Variants in DGKB observed in about 807,000 individuals in gnomAD.
DGKB encodes diacylglycerol kinase beta, also known as 90 kDa diacylglycerol kinase.
DGKB carries 67 observed loss-of-function variants against 114.3 expected under a neutral mutation model. That is an observed-to-expected ratio of 0.59 (90% CI 0.48 to 0.72). The LOEUF (loss-of-function observed/expected upper bound fraction) is 0.72. Among genes scored for constraint, DGKB ranks in the 30% least tolerant of loss-of-function variants. The pLI is 0.00. For missense variants in DGKB, 907 were observed against 975.2 expected (o/e 0.93, Z 0.93); for synonymous variants, 398 against 323.1 (o/e 1.23, Z -2.49).
At chr7:14,285,658 A>C (rs574047279) in intron 23 of DGKB, among the ~76,000 whole-genome samples, 6 of 152,298 alleles carry the variant, frequency 3.9e-5, no homozygotes, top group African/African-American at 1.4e-4. Context: ...GGACACTAAT[A>C]TGTGCCAAAG....
intron 2 of DGKB, among the ~76,000 whole-genome samples, chr7:14,816,836 T>C (rs566432537): frequency 1.3e-5 from 2 of 152,150 alleles, no homozygotes; most frequent in Non-Finnish European, 2.9e-5. Flanking sequence ...AACATTGACT[T>C]TCTCCAGGTA....
intron 1 of DGKB, among the ~76,000 whole-genome samples, chr7:14,894,312 AT>A (rs1781764813): frequency 6.6e-6 from 1 of 151,350 alleles, no homozygotes; most frequent in Admixed American, 6.6e-5. Flanking sequence ...CATAGTTTGA[AT>A]TTTAACTCAT....
chr7:14,778,642 T>C (rs1026383435), intron 2 of DGKB, among the ~76,000 whole-genome samples: 2 of 152,164 alleles, frequency 1.3e-5, no homozygotes, highest in South Asian at 4.1e-4. Flanking sequence ...TCATGCAAAG[T>C]TTACTAACAG....
chr7:14,348,512 G>C (rs1157482032), intron 21 of DGKB, among the ~76,000 whole-genome samples: 2 of 151,642 alleles, frequency 1.3e-5, no homozygotes, highest in African/African-American at 4.8e-5. Flanking sequence ...AAAATGTAAA[G>C]ATGCTCAACG....
intron 23 of DGKB, among the ~76,000 whole-genome samples, chr7:14,274,578 TA>T (rs1186138699): frequency 6.6e-6 from 1 of 152,156 alleles, no homozygotes; most frequent in Non-Finnish European, 1.5e-5. Flanking sequence ...GTGCTGCTAT[TA>T]AAAAATGTCA....
chr7:14,763,159 T>C (rs909802056), intron 2 of DGKB, among the ~76,000 whole-genome samples: 1 of 151,044 alleles, frequency 6.6e-6, no homozygotes, highest in Non-Finnish European at 1.5e-5. Flanking sequence ...TTGCTGATGA[T>C]TTTTTTTTCC....
At chr7:14,360,370 A>T (rs990862236) in intron 21 of DGKB, among the ~76,000 whole-genome samples, 5 of 151,952 alleles carry the variant, frequency 3.3e-5, no homozygotes, top group African/African-American at 1.2e-4. Flanking sequence ...GTAAGTGACG[A>T]GTTAATGGGT....
At chr7:14,523,053 C>G (rs1380265837) in intron 20 of DGKB, among the ~76,000 whole-genome samples, 1 of 152,086 alleles carries the variant, frequency 6.6e-6, no homozygotes, top group Non-Finnish European at 1.5e-5. Flanking sequence ...AAGTATACTT[C>G]ACAGTTCATA....
At chr7:14,323,688 G>A (rs895998039) in intron 23 of DGKB, among the ~76,000 whole-genome samples, 1 of 152,212 alleles carries the variant, frequency 6.6e-6, no homozygotes, top group Non-Finnish European at 1.5e-5. Flanking sequence ...CATGCTTGAT[G>A]TGTTTGATGA....
At chr7:14,416,000 T>C (rs1675518317) in intron 21 of DGKB, among the ~76,000 whole-genome samples, 1 of 152,192 alleles carries the variant, frequency 6.6e-6, no homozygotes, top group Non-Finnish European at 1.5e-5. Context: ...GTGGTTTTGA[T>C]TTGCATTTCT....
At chr7:14,236,700 C>T (rs1347111882) in intron 23 of DGKB, among the ~76,000 whole-genome samples, 7 of 151,890 alleles carry the variant, frequency 4.6e-5, no homozygotes, top group Non-Finnish European at 1.0e-4. Context: ...ACAAGTAATT[C>T]AATTCCAACT....
At chr7:14,550,761 C>G (rs985868610) in intron 20 of DGKB, among the ~76,000 whole-genome samples, 1 of 151,964 alleles carries the variant, frequency 6.6e-6, no homozygotes, top group African/African-American at 2.4e-5. Flanking sequence ...ATCTGCAGAC[C>G]AACAGAATTT....
chr7:14,661,439 A>C (rs1268309314), intron 13 of DGKB, among the ~76,000 whole-genome samples: 4 of 136,248 alleles, frequency 2.9e-5, no homozygotes, highest in Non-Finnish European at 6.4e-5. Flanking sequence ...ATGCAGCCAA[A>C]AAACACATGA....
At chr7:14,346,992 T>C (rs1812583870) in intron 21 of DGKB, among the ~76,000 whole-genome samples, 1 of 152,036 alleles carries the variant, frequency 6.6e-6, no homozygotes, top group Non-Finnish European at 1.5e-5. Context: ...GATTCATTCA[T>C]TCAACAAAAG....
chr7:14,359,594 T>C (rs1815290414), intron 21 of DGKB, among the ~76,000 whole-genome samples: 1 of 151,664 alleles, frequency 6.6e-6, no homozygotes, highest in Non-Finnish European at 1.5e-5. Flanking sequence ...ATTCAGAATC[T>C]ACAAAGAACT....
At chr7:14,667,766 T>A (rs1284986388) in intron 13 of DGKB, among the ~76,000 whole-genome samples, 1 of 152,108 alleles carries the variant, frequency 6.6e-6, no homozygotes, top group African/African-American at 2.4e-5. Context: ...ATTAATTTGT[T>A]TGAAGTATGA....
chr7:14,205,304 G>A (rs1160344707), intron 23 of DGKB, among the ~76,000 whole-genome samples: 1 of 151,828 alleles, frequency 6.6e-6, no homozygotes, highest in Non-Finnish European at 1.5e-5. Context: ...CTTCCAGGGA[G>A]CAGCTATGGT....
rs187545066 is a variant in DGKB, at chr7:14,268,137, T to G, written c.2122+70378A>C. Reference sequence around the variant, plus strand: ...CTAGCTCACTGATCTAACCACTATATAGAACTACATGACCTCTAGATTTAA... The same window carrying G: ...CTAGCTCACTGATCTAACCACTATAGAGAACTACATGACCTCTAGATTTAA... On this transcript the variant is annotated intron_variant, in intron 23 of 25. Coordinates refer to ENST00000402815, the MANE Select transcript of DGKB (RefSeq NM_001350709.2). 2.6e-3 allele frequency among the ~76,000 whole-genome samples: 389 copies of G among 152,142 alleles called. 1 individual carries two copies. The highest frequency in any genetic ancestry group is 4.3e-3 in the Non-Finnish European group (289 of 67,998).
intron 25 of DGKB, among the ~76,000 whole-genome samples, chr7:14,149,622 T>G (rs1436390223): frequency 6.6e-6 from 1 of 152,114 alleles, no homozygotes; most frequent in Non-Finnish European, 1.5e-5. Context: ...GGCACCATTA[T>G]AGTTTCCAGA....
Sources: allele counts gnomAD v4.1 joint callset (sites outside exome capture counted in the v4.1 genomes callset), GRCh38; gene constraint gnomAD v4.1.1; transcripts MANE v1.5; gene names NCBI Gene and HGNC (gene_info 2026-07-23, HGNC 2026-07-21).